Variants in ZC3HAV1 observed in about 807,000 individuals in gnomAD.
ZC3HAV1 encodes the protein zinc finger CCCH-type containing, antiviral 1, also known as zinc finger CCCH-type antiviral protein 1.
A neutral mutation model predicts 86.6 loss-of-function variants in ZC3HAV1; 41 were observed. The ratio of observed to expected loss-of-function variants is 0.47; its 90% CI spans 0.37 to 0.61. The LOEUF is 0.61. Among genes scored for constraint, ZC3HAV1 ranks in the 20% least tolerant of loss-of-function variants. ZC3HAV1 has a pLI of 0.00. For synonymous variants in ZC3HAV1, 421 were observed against 432.1 expected, an observed-to-expected ratio of 0.97 and a Z score of 0.32; for missense variants, 964 against 1,141.1, an observed-to-expected ratio of 0.84 and a Z score of 2.24.
intron 7 of ZC3HAV1, among the ~76,000 whole-genome samples, chr7:139,066,046 G>A (rs982696587): frequency 3.3e-5 from 5 of 152,156 alleles, no homozygotes; most frequent in Non-Finnish European, 5.9e-5. Flanking sequence ...GGGCAGGCTA[G>A]GCTACCGATC....
At chr7:139,055,786 G>T (rs7776526) in intron 9 of ZC3HAV1, among the ~76,000 whole-genome samples, 94,739 of 152,028 alleles carry the variant, frequency 0.62, 29,691 homozygotes, top group East Asian at 0.7. Context: ...CTTTATAGAT[G>T]AATCACACTA....
chr7:139,075,620 G>A (rs1816919323), intron 6 of ZC3HAV1, among the ~76,000 whole-genome samples: 1 of 151,842 alleles, frequency 6.6e-6, no homozygotes, highest in Admixed American at 6.6e-5. Context: ...TTGTATTGTT[G>A]GTAGAGACAG....
At chr7:139,089,186 T>C (rs1817361487) in intron 2 of ZC3HAV1, among the ~76,000 whole-genome samples, 2 of 151,278 alleles carry the variant, frequency 1.3e-5, no homozygotes, top group African/African-American at 4.9e-5. Context: ...TGACCTAGAT[T>C]ATCAAGAGAT....
At chr7:139,078,854 T>C (rs1037787497) in intron 4 of ZC3HAV1, among the ~76,000 whole-genome samples, 1 of 152,226 alleles carries the variant, frequency 6.6e-6, no homozygotes, top group Non-Finnish European at 1.5e-5. Flanking sequence ...GTGAAAGCTA[T>C]GTTTATTTCT....
chr7:139,053,334 C>G (rs1165610150), intron 12 of ZC3HAV1, 117 bp downstream of exon 12: 1 of 1,268,128 alleles, frequency 7.9e-7, no homozygotes, highest in East Asian at 2.6e-5. Flanking sequence ...TCTCCAGGAC[C>G]ACTAGAGCCT....
chr7:139,083,710 G>C (rs1389969304), intron 3 of ZC3HAV1, 70 bp downstream of exon 3: 5 of 1,481,298 alleles, frequency 3.4e-6, no homozygotes, highest in Non-Finnish European at 3.5e-6. Context: ...TTGGGTGACA[G>C]AGAGAGACTC....
At chr7:139,060,513 T>A in intron 9 of ZC3HAV1, 1 of 994,712 alleles carries the variant, frequency 1.0e-6, no homozygotes, top group Non-Finnish European at 1.2e-6. Context: ...TCATCCTCTA[T>A]AAATCGTGTA....
chr7:139,088,936 C>T (rs981469841), intron 2 of ZC3HAV1, among the ~76,000 whole-genome samples: 1 of 151,848 alleles, frequency 6.6e-6, no homozygotes, highest in Non-Finnish European at 1.5e-5. Flanking sequence ...AACCCTGTCT[C>T]TACTAAAATA....
chr7:139,081,233 G>A (rs900195070), intron 3 of ZC3HAV1, among the ~76,000 whole-genome samples: 5 of 152,112 alleles, frequency 3.3e-5, no homozygotes, highest in African/African-American at 7.2e-5. Context: ...ACATGTGCAC[G>A]TGTGGTGTGT....
intron 7 of ZC3HAV1, among the ~76,000 whole-genome samples, chr7:139,073,266 T>C (rs10249473): frequency 0.037 from 5,652 of 151,612 alleles, 347 homozygotes; most frequent in African/African-American, 0.13. Flanking sequence ...GCCATTGCAC[T>C]CCAGCATGGG....
chr7:139,089,185 T>C (rs1817361417), intron 2 of ZC3HAV1, among the ~76,000 whole-genome samples: 1 of 150,456 alleles, frequency 6.6e-6, no homozygotes, highest in Non-Finnish European at 1.5e-5. Context: ...CTGACCTAGA[T>C]TATCAAGAGA....
intron 4 of ZC3HAV1, 174 bp downstream of exon 4, chr7:139,079,296 G>C: frequency 6.5e-7 from 1 of 1,537,910 alleles, no homozygotes; most frequent in Non-Finnish European, 8.7e-7. Context: ...AGGTTCCTCA[G>C]ACTCTGACTT....
chr7:139,094,508 A>C (rs1431129507), intron 1 of ZC3HAV1, among the ~76,000 whole-genome samples: 2 of 151,940 alleles, frequency 1.3e-5, no homozygotes, highest in Non-Finnish European at 2.9e-5. Context: ...AAAAAAAAAA[A>C]AAAAAACAGC....
intron 12 of ZC3HAV1, among the ~76,000 whole-genome samples, chr7:139,053,098 A>AT (rs1247483949): frequency 6.6e-6 from 1 of 152,162 alleles, no homozygotes; most frequent in African/African-American, 2.4e-5. Flanking sequence ...CTGAAGCCTC[A>AT]TATAGCTTCG....
At chr7:139,060,852 C>T in intron 9 of ZC3HAV1, 184 bp downstream of exon 9, 2 of 1,511,220 alleles carry the variant, frequency 1.3e-6, no homozygotes, top group African/African-American at 1.4e-5. Context: ...GATCTAGTAT[C>T]CTTTCAGTCA....
intron 3 of ZC3HAV1, among the ~76,000 whole-genome samples, chr7:139,082,481 C>T (rs991405995): frequency 1.3e-5 from 2 of 152,078 alleles, no homozygotes; most frequent in Non-Finnish European, 2.9e-5. Flanking sequence ...TATGATCCAG[C>T]AATTCTACTT....
chr7:139,055,742 A>G (rs555390149), intron 9 of ZC3HAV1, among the ~76,000 whole-genome samples: 135 of 152,124 alleles, frequency 8.9e-4, no homozygotes, highest in Non-Finnish European at 2.2e-4. Flanking sequence ...TTCTTTTTCT[A>G]TCCCATAGAG....
chr7:139,059,059 C>T (rs928035542), intron 9 of ZC3HAV1, among the ~76,000 whole-genome samples: 21 of 152,104 alleles, frequency 1.4e-4, no homozygotes, highest in Non-Finnish European at 2.4e-4. Context: ...TTCCAACACA[C>T]TTTTGTGAAG....
rs760326186 is a variant in ZC3HAV1, at chr7:139,079,868, T to C, written c.1073A>G (p.Asn358Ser). 14 of 1,614,098 alleles carry C rather than the reference T, an allele frequency of 8.7e-6. No homozygotes were observed. The Middle Eastern group carries it at 4.9e-4, about 57-fold the overall frequency. ...CGTCCAGGATGTGAGGCTCTTCCAG[T>C]TGGGGGCTGATGTTGAATTGGAAGC... is the stretch of plus-strand genomic sequence containing the variant. ...YLASNSTSAPNWKSLTSWTND... is the reference protein window; with the variant it reads ...YLASNSTSAPSWKSLTSWTND... The change falls in exon 4 of 13, where the codon AAC becomes AGC. Residue 358 changes from asparagine to serine, a missense_variant. Transcript: ENST00000242351.
Sources: gnomAD v4.1 joint callset for allele counts (sites outside exome capture counted in the v4.1 genomes callset) on GRCh38, gnomAD v4.1.1 for gene constraint, MANE v1.5 for transcripts, NCBI Gene and HGNC (gene_info 2026-07-23, HGNC 2026-07-21) for gene names.